TCOF1: variants seen among roughly 807,000 people sequenced by gnomAD.
TCOF1 encodes the protein treacle ribosome biogenesis factor 1.
In TCOF1, 33 loss-of-function variants were observed where a neutral mutation model predicts 149.0. That is an observed-to-expected ratio of 0.22 (90% confidence interval 0.17 to 0.30). TCOF1 has a LOEUF of 0.30. Among genes scored for constraint, TCOF1 ranks in the 10% least tolerant of loss-of-function variants. TCOF1 has a pLI of 1.00. For missense variants in TCOF1, 1,728 were observed against 1,840.7 expected, an observed-to-expected ratio of 0.94 and a Z score of 1.12; for synonymous variants, 789 against 738.8, an observed-to-expected ratio of 1.07 and a Z score of -1.10.
chr5:150,375,213 T>A (rs747428088), intron 10 of TCOF1, 50 bp downstream of exon 10: 1 of 1,612,164 alleles, frequency 6.2e-7, no homozygotes, highest in East Asian at 2.2e-5. Flanking sequence ...TCAAAAGACC[T>A]CCTGTGGTTT....
chr5:150,374,341 A>C lies in TCOF1; in HGVS notation c.1038A>C (p.Ser346=). The change falls in exon 8 of 27, where the codon TCA becomes TCC. Residue 346 remains serine, a synonymous_variant. Transcript: ENST00000643257. ...EEDSESSSEE[S]SDSEEETPAA... is the part of the protein sequence containing the mutation. ...ACTCAGAGAGCAGCAGCGAGGAGTC[A>C]TCTGACAGTGAGGAGGAGACGCCAG... is the stretch of plus-strand genomic sequence containing the variant. 1 of 1,565,118 alleles carries C rather than the reference A, an allele frequency of 6.4e-7. No individual in the cohort carries two copies. Among genetic ancestry groups the C allele is most frequent in the Non-Finnish European group, 8.7e-7 (1 of 1,154,582 alleles).
intron 3 of TCOF1, 30 bp downstream of exon 3, chr5:150,364,282 T>G (rs757177854): frequency 6.2e-7 from 1 of 1,613,810 alleles, no homozygotes; most frequent in Non-Finnish European, 8.5e-7. Flanking sequence ...GGGAACAGGC[T>G]ATGGAATATT....
chr5:150,386,260 C>G (rs1766275486), intron 17 of TCOF1, among the ~76,000 whole-genome samples: 2 of 152,218 alleles, frequency 1.3e-5, no homozygotes, highest in South Asian at 4.1e-4. Context: ...TTTAACATCC[C>G]AAGACGCTAT....
At chr5:150,389,570 G>T (rs576319795) in intron 18 of TCOF1, among the ~76,000 whole-genome samples, 2 of 152,374 alleles carry the variant, frequency 1.3e-5, no homozygotes, top group South Asian at 2.1e-4. Context: ...GATTTTAACT[G>T]CAAGGAGAGT....
rs776280707 is a variant in TCOF1, at chr5:150,375,710, TCTCA to T, written c.1705-7_1705-4del. On this transcript the variant is annotated splice_polypyrimidine_tract_variant and splice_region_variant and intron_variant, in intron 11 of 26. Transcript: ENST00000643257. ...GGGCTCCCTCTCCCGATCCTGTGTA[TCTCA>T]CTCCAGGAAAAGTCCTTGGGGAACA... The T allele has an allele frequency of 3.3e-5, 54 of 1,614,112 alleles. No homozygotes were observed. The highest frequency in any genetic ancestry group is 4.6e-5 in the Non-Finnish European group (54 of 1,180,040).
At chr5:150,391,721 A>G in intron 20 of TCOF1, 64 bp downstream of exon 20, 1 of 1,484,228 alleles carries the variant, frequency 6.7e-7, no homozygotes, top group East Asian at 2.4e-5. Context: ...GTGGCCCTGC[A>G]TCGCGGCACC....
At chr5:150,366,639 C>CTTT (rs1204091560) in intron 3 of TCOF1, among the ~76,000 whole-genome samples, 14 of 64,360 alleles carry the variant, frequency 2.2e-4, no homozygotes, top group East Asian at 7.5e-4. Context: ...CAACATTCTT[C>CTTT]TTTTTTTTTT....
intron 15 of TCOF1, 72 bp downstream of exon 15, chr5:150,379,114 C>G: frequency 1.2e-6 from 2 of 1,613,724 alleles, no homozygotes; most frequent in Non-Finnish European, 1.7e-6. Flanking sequence ...CTGAGCCCAG[C>G]CAGGAGAAGG....
At position 150,357,697 on chromosome 5, in the gene TCOF1, GGGGA is replaced by G; in HGVS notation, c.-49_-46del. ...TAAGGGCGCGAGGGAAGTGGCGGGC[GGGGA>G]CTAAGGCGGGGCGTGCAGGTAGCCG... is the stretch of plus-strand genomic sequence containing the variant. On this transcript the variant is annotated 5_prime_UTR_variant, in exon 1 of 27. Coordinates refer to ENST00000643257, the MANE Select transcript of TCOF1 (RefSeq NM_001371623.1). The G allele has an allele frequency of 6.7e-7, 1 of 1,498,154 alleles. No homozygotes were observed. The highest frequency in any genetic ancestry group is 1.2e-5 in the South Asian group (1 of 82,858). 92.8% of individuals were successfully genotyped at this position (1,498,154 alleles called of 1,614,324 possible).
intron 23 of TCOF1, among the ~76,000 whole-genome samples, chr5:150,395,377 C>T (rs1421340243): frequency 3.3e-5 from 5 of 152,176 alleles, no homozygotes. Flanking sequence ...ACCTCCAAGT[C>T]ACTTGGAAGT....
At position 150,379,303 on chromosome 5, in the gene TCOF1, G is replaced by A. The variant is rs1764494846; in HGVS notation, c.2553G>A (p.Gly851=). 1.9e-6 allele frequency: 3 copies of A among 1,614,238 alleles called. No individual in the cohort carries two copies. Among genetic ancestry groups the A allele is most frequent in the South Asian group, 2.2e-5 (2 of 91,084 alleles). ...GCCCAGCATCTGTGCCATCTGTGGGGAAGGCCGTGGCTACAGCAGCTCAGG... is the reference window on the plus strand; with the variant it reads ...GCCCAGCATCTGTGCCATCTGTGGGAAAGGCCGTGGCTACAGCAGCTCAGG... ...ARGPASVPSV[G]KAVATAAQAQ... Residue 851 remains glycine (G), a synonymous_variant, in exon 16 of 27, where the codon GGG becomes GGA. Transcript: ENST00000643257.
intron 4 of TCOF1, 152 bp from the exon 5 acceptor site, chr5:150,368,564 C>T: frequency 3.6e-6 from 3 of 833,486 alleles, no homozygotes; most frequent in Non-Finnish European, 5.9e-6. Context: ...CTGTTTTTAA[C>T]CTCACTTTAA....
At chr5:150,375,632 A>G in intron 11 of TCOF1, 78 bp downstream of exon 11, 1 of 1,611,550 alleles carries the variant, frequency 6.2e-7, no homozygotes, top group Non-Finnish European at 8.5e-7. Flanking sequence ...CCAACCTCAC[A>G]CTGGGACTCT....
intron 24 of TCOF1, among the ~76,000 whole-genome samples, chr5:150,397,359 A>G (rs140345297): frequency 6.6e-6 from 1 of 152,208 alleles, no homozygotes; most frequent in Non-Finnish European, 1.5e-5. Context: ...TCCTGGGTGC[A>G]GAATGGACCA....
intron 10 of TCOF1, 50 bp downstream of exon 10, chr5:150,375,213 T>C (rs747428088): frequency 8.1e-6 from 13 of 1,612,164 alleles, no homozygotes; most frequent in Non-Finnish European, 1.0e-5. Flanking sequence ...TCAAAAGACC[T>C]CCTGTGGTTT....
At chr5:150,378,290 T>G (rs1238297657) in intron 14 of TCOF1, among the ~76,000 whole-genome samples, 2 of 152,256 alleles carry the variant, frequency 1.3e-5, no homozygotes, top group Non-Finnish European at 1.5e-5. Context: ...GATCTCACTC[T>G]GGGAATTTCC....
chr5:150,381,060 G>A (rs1442181132), intron 17 of TCOF1, among the ~76,000 whole-genome samples: 1 of 152,110 alleles, frequency 6.6e-6, no homozygotes, highest in Non-Finnish European at 1.5e-5. Context: ...ATGGTAGATA[G>A]TGGTAGCAAG....
chr5:150,383,886 A>G, intron 17 of TCOF1: 1 of 1,540,590 alleles, frequency 6.5e-7, no homozygotes, highest in South Asian at 1.2e-5. Flanking sequence ...GGCCCACCTT[A>G]TCTTCCTGTA....
In TCOF1 at chr5:150,388,031, T is replaced by C; in HGVS notation, c.2989T>C (p.Ser997Pro). 1 of 1,613,396 alleles carries C rather than the reference T, an allele frequency of 6.2e-7. No homozygotes were observed. Residue 997 changes from serine to proline, a missense_variant, in exon 18 of 27, where the codon TCC becomes CCC. Around this residue, in one of 2 missense-constraint regions of TCOF1, gnomAD observed 1,696 missense variants for 1,765.4 expected, o/e 0.96. Transcript: ENST00000643257. ...ARASESTARS[S>P]SSESEDEDVI... is the part of the protein sequence containing the mutation. ...AGCCTCGGAGAGCACAGCCAGGAGC[T>C]CCTCCTCCGAGAGCGAGGATGAGGA...
Sources: allele counts gnomAD v4.1 joint callset (sites outside exome capture counted in the v4.1 genomes callset), GRCh38; gene constraint gnomAD v4.1.1; regional missense constraint gnomAD v4.1.1; transcripts MANE v1.5; gene names NCBI Gene and HGNC (gene_info 2026-07-23, HGNC 2026-07-21).